NLRP5: variants seen among roughly 807,000 people sequenced by gnomAD.
NLRP5 encodes NACHT, LRR and PYD domains-containing protein 5.
In NLRP5, 93 loss-of-function variants were observed where a neutral mutation model predicts 113.1. That is an observed-to-expected ratio of 0.82 (90% confidence interval 0.70 to 0.98). The LOEUF (loss-of-function observed/expected upper bound fraction) is 0.98, where lower values mean the gene tolerates loss of function less well. Ranked by LOEUF, NLRP5 falls within the 50% of genes least tolerant of loss-of-function variation. NLRP5 has a pLI of 0.00. For missense variants in NLRP5, 1,808 were observed against 1,514.3 expected (o/e 1.19, Z -3.22); for synonymous variants, 751 against 600.7 (o/e 1.25, Z -3.66).
At position 56,036,964 on chromosome 19, in the gene NLRP5, TAATA is replaced by T. The variant is rs565924281; in HGVS notation, c.2616-1059_2616-1056del. Among the ~76,000 whole-genome samples, 213 of 152,044 alleles carry T rather than the reference TAATA, an allele frequency of 1.4e-3. 1 individual carries two copies. The highest frequency in any genetic ancestry group is 2.3e-3 in the Non-Finnish European group (159 of 67,970). On this transcript the variant is annotated intron_variant, in intron 9 of 14. Coordinates refer to ENST00000390649, the MANE Select transcript of NLRP5 (RefSeq NM_153447.4). ...AGAGTGAGACTGTCTCAAAAAATAA[TAATA>T]ATAAAATAAACCTGCTTCCTTCATC... is the stretch of plus-strand genomic sequence containing the variant.
intron 14 of NLRP5, among the ~76,000 whole-genome samples, chr19:56,058,611 C>T (rs1984245142): frequency 6.6e-6 from 1 of 152,164 alleles, no homozygotes; most frequent in Non-Finnish European, 1.5e-5. Context: ...GGCCAGGTGC[C>T]TGATATCATG....
chr19:56,028,205 C>T lies in NLRP5; in HGVS notation c.1972C>T (p.Pro658Ser), dbSNP rs1982953537. 1.2e-6 allele frequency: 2 copies of T among 1,613,804 alleles called. No homozygotes were observed. Among genetic ancestry groups the T allele is most frequent in the Non-Finnish European group, 1.7e-6 (2 of 1,179,902 alleles). Residue 658 changes from proline to serine, a missense_variant, in exon 7 of 15, where the codon CCC becomes TCC. Pro to Ser is a moderately conservative substitution (Grantham distance 74). Coordinates refer to ENST00000390649, the MANE Select transcript of NLRP5 (RefSeq NM_153447.4). ...GGAGGTCCTGCTGGGCTGTCCCGTT[C>T]CCCTGGGGGTGAAGCAGAAGCTTCT... is the stretch of plus-strand genomic sequence containing the variant.
chr19:55,996,554 T>C (rs930446781), upstream of NLRP5, among the ~76,000 whole-genome samples: 1 of 152,196 alleles, frequency 6.6e-6, no homozygotes, highest in Admixed American at 6.5e-5. Flanking sequence ...TTCTCATTGT[T>C]CAGTTCCCAC....
At chr19:55,994,471 C>T in the NLRP5 span, among the ~76,000 whole-genome samples, 1 of 152,188 alleles carries the variant, frequency 6.6e-6, no homozygotes, top group African/African-American at 2.4e-5. Flanking sequence ...CATCTCAGCT[C>T]ACTGTAACCT....
intron 13 of NLRP5, among the ~76,000 whole-genome samples, chr19:56,056,102 T>C (rs1984140393): frequency 6.6e-6 from 1 of 152,164 alleles, no homozygotes; most frequent in South Asian, 2.1e-4. Flanking sequence ...TTCACAACAA[T>C]TCATTCCCTG....
At chr19:56,006,627 G>A (rs950470528) in intron 2 of NLRP5, among the ~76,000 whole-genome samples, 10 of 152,076 alleles carry the variant, frequency 6.6e-5, no homozygotes, top group African/African-American at 1.7e-4. Flanking sequence ...AGCTACTTGG[G>A]AGGCTGAGGC....
intron 7 of NLRP5, among the ~76,000 whole-genome samples, chr19:56,031,955 A>G (rs446860): frequency 0.11 from 16,478 of 152,100 alleles, 1,280 homozygotes; most frequent in African/African-American, 0.22. Flanking sequence ...GTCCTATGGT[A>G]GCTCTATTTT....
chr19:55,988,237 A>AAAG, the NLRP5 span: 1 of 168,120 alleles, frequency 5.9e-6, no homozygotes, highest in Non-Finnish European at 1.3e-5. Flanking sequence ...ACTAAAAAAA[A>AAAG]AAATACAAAA....
intron 2 of NLRP5, among the ~76,000 whole-genome samples, chr19:56,006,067 T>C (rs2123272156): frequency 6.6e-6 from 1 of 152,234 alleles, no homozygotes; most frequent in South Asian, 2.1e-4. Context: ...GAGAAAGAAA[T>C]GGGCAACTTT....
At position 56,028,151 on chromosome 19, in the gene NLRP5, C is replaced by T; in HGVS notation, c.1918C>T (p.Leu640Phe). 1 of 1,613,990 alleles carries T rather than the reference C, an allele frequency of 6.2e-7. No homozygotes were observed. The highest frequency in any genetic ancestry group is 8.5e-7 in the Non-Finnish European group (1 of 1,179,890). Residue 640 changes from leucine (L) to phenylalanine (F), a missense_variant, in exon 7 of 15, where the codon CTC (leucine) becomes TTC (phenylalanine). By Grantham distance (22) the Leu-to-Phe change is conservative. Coordinates refer to ENST00000390649, the MANE Select transcript of NLRP5 (RefSeq NM_153447.4). ...TTGGATGAAGCGTTTCTTGTTTGGC[C>T]TCGTGAGCGAAGACGTAAGGAGGCC... is the stretch of plus-strand genomic sequence containing the variant.
intron 3 of NLRP5, among the ~76,000 whole-genome samples, chr19:56,013,629 C>T (rs306431): frequency 0.48 from 35,594 of 73,446 alleles, 6,011 homozygotes; most frequent in Non-Finnish European, 0.51. Flanking sequence ...CTATTATGAA[C>T]GATGCAGCTA....
chr19:56,001,488 C>T (rs1043897962), intron 1 of NLRP5, among the ~76,000 whole-genome samples: 1 of 152,078 alleles, frequency 6.6e-6, no homozygotes, highest in Non-Finnish European at 1.5e-5. Context: ...CTCCTAATTA[C>T]TTGAAGTAAT....
chr19:56,050,638 G>A (rs1983900390), intron 12 of NLRP5, 50 bp downstream of exon 12: 2 of 1,554,682 alleles, frequency 1.3e-6, no homozygotes, highest in African/African-American at 1.4e-5. Context: ...GGGGTCTGGA[G>A]TTCCTGAAAG....
intron 1 of NLRP5, among the ~76,000 whole-genome samples, chr19:56,003,270 G>A (rs1456427493): frequency 6.6e-6 from 1 of 152,190 alleles, no homozygotes; most frequent in Non-Finnish European, 1.5e-5. Context: ...TCCTGCCTCA[G>A]CCTCCTGAGT....
At chr19:56,033,973 T>C (rs981446774) in intron 9 of NLRP5, among the ~76,000 whole-genome samples, 1 of 152,208 alleles carries the variant, frequency 6.6e-6, no homozygotes, top group Admixed American at 6.5e-5. Flanking sequence ...TCTCGTTTGG[T>C]TGCTCAGTCT....
At chr19:56,005,437 A>G (rs1981853157) in intron 2 of NLRP5, among the ~76,000 whole-genome samples, 1 of 147,998 alleles carries the variant, frequency 6.8e-6, no homozygotes, top group Non-Finnish European at 1.5e-5. Flanking sequence ...ACATATTTAT[A>G]TATACACATA....
intron 3 of NLRP5, among the ~76,000 whole-genome samples, chr19:56,011,543 T>A (rs2123281679): frequency 6.6e-6 from 1 of 152,204 alleles, no homozygotes; most frequent in Non-Finnish European, 1.5e-5. Flanking sequence ...GATACATCCA[T>A]CCGAAGTCAG....
intron 7 of NLRP5, among the ~76,000 whole-genome samples, chr19:56,031,013 C>T (rs1462704747): frequency 6.6e-6 from 1 of 151,844 alleles, no homozygotes; most frequent in African/African-American, 2.4e-5. Context: ...CGCCCGGCCT[C>T]TATTTTTCTT....
chr19:56,048,921 C>G (rs1011042718), intron 11 of NLRP5, among the ~76,000 whole-genome samples: 3 of 144,544 alleles, frequency 2.1e-5, no homozygotes, highest in Admixed American at 6.9e-5. Context: ...TTTTTTCTGT[C>G]TTTGGTGGAT....
Sources: allele counts gnomAD v4.1 joint callset (sites outside exome capture counted in the v4.1 genomes callset), GRCh38; gene constraint gnomAD v4.1.1; transcripts MANE v1.5; gene names NCBI Gene and HGNC (gene_info 2026-07-23, HGNC 2026-07-21).